The following LMTK2 variants were observed in gnomAD, a reference collection of about 807,000 sequenced individuals.
LMTK2 encodes the protein serine/threonine-protein kinase LMTK2.
LMTK2 carries 37 observed loss-of-function variants against 127.5 expected under a neutral mutation model. The ratio of observed to expected loss-of-function variants is 0.29; its 90% CI spans 0.22 to 0.38. The LOEUF is 0.38. Among genes scored for constraint, LMTK2 ranks in the 10% least tolerant of loss-of-function variants. The pLI, the probability that LMTK2 is intolerant of heterozygous loss-of-function variation, is 1.00. For missense variants in LMTK2, 1,694 were observed against 1,920.3 expected (o/e 0.88, Z 2.20); for synonymous variants, 819 against 810.1 (o/e 1.01, Z -0.19).
In LMTK2 at chr7:98,192,558, C is replaced by T. The variant is rs1797547587; in HGVS notation, c.2093C>T (p.Pro698Leu). 15 of 1,612,984 alleles carry T rather than the reference C, an allele frequency of 9.3e-6. No homozygotes were observed. Among genetic ancestry groups the T allele is most frequent in the Non-Finnish European group, 1.3e-5 (15 of 1,179,752 alleles). The change falls in exon 11 of 14, where the codon CCT (proline) becomes CTT (leucine). Residue 698 changes from proline to leucine, a missense_variant. This residue lies in a region of LMTK2 where 527 missense variants were observed against 539.8 expected (regional missense o/e 0.98). Transcript: ENST00000297293. ...CCCCGTAAGATTTTTGACAGTGAGCCTCTCTGCCTATCAGATAATCTTATG... is the reference window on the plus strand; with the variant it reads ...CCCCGTAAGATTTTTGACAGTGAGCTTCTCTGCCTATCAGATAATCTTATG... ...EKPRKIFDSE[P>L]LCLSDNLMHQ...
chr7:98,153,878 A>T (rs1432916288), intron 4 of LMTK2, among the ~76,000 whole-genome samples: 2 of 151,404 alleles, frequency 1.3e-5, no homozygotes, highest in Non-Finnish European at 1.5e-5. Flanking sequence ...AAAAAAAGAG[A>T]GGGTGATTTA....
intron 7 of LMTK2, among the ~76,000 whole-genome samples, chr7:98,177,374 T>C (rs918997108): frequency 8.5e-5 from 13 of 152,200 alleles, no homozygotes; most frequent in African/African-American, 3.1e-4. Flanking sequence ...TGAAATCTTA[T>C]TGAAGAATGT....
rs1797844539 is a variant in LMTK2, at chr7:98,208,661, A to G, written c.*3169A>G. ...AGCTAGATGCGAATTTGTCTTTTTG[A>G]ATGACCCTGTCAATAAGCCAGAAAG... is the stretch of plus-strand genomic sequence containing the variant. On this transcript the variant is annotated 3_prime_UTR_variant, in exon 14 of 14. Coordinates refer to ENST00000297293, the MANE Select transcript of LMTK2 (RefSeq NM_014916.4). 1 of 152,208 alleles carries G rather than the reference A, an allele frequency of 6.6e-6. No individual in the cohort carries two copies. The highest frequency in any genetic ancestry group is 6.5e-5 in the Admixed American group (1 of 15,278). The allele number at this position is 152,208 out of a possible 1,614,324, so 9.4% of individuals were successfully genotyped here. A position where few individuals can be genotyped will look rare whatever the true frequency, so the allele number is the denominator to read the frequency against.
At chr7:98,142,748 GTTCAGCTGACCTTGGA>G (rs1218472621) in intron 3 of LMTK2, among the ~76,000 whole-genome samples, 2 of 152,194 alleles carry the variant, frequency 1.3e-5, no homozygotes, top group Non-Finnish European at 2.9e-5. Context: ...AAGAACAGGG[GTTCAGCTGACCTTGGA>G]GACAGCTAGA....
chr7:98,189,570 G>A (rs976417389), intron 9 of LMTK2, among the ~76,000 whole-genome samples: 8 of 152,234 alleles, frequency 5.3e-5, no homozygotes, highest in Admixed American at 3.3e-4. Flanking sequence ...GTGTGTTCAC[G>A]GCTTCCCAGA....
chr7:98,116,390 CTGTG>C (rs34663305), intron 1 of LMTK2, among the ~76,000 whole-genome samples: 9,847 of 150,288 alleles, frequency 0.066, 657 homozygotes, highest in East Asian at 0.33. Context: ...CAGTGTGTGT[CTGTG>C]TGTGTGTGTG....
chr7:98,195,471 C>CT (rs1797611242), intron 11 of LMTK2, among the ~76,000 whole-genome samples: 1 of 148,270 alleles, frequency 6.7e-6, no homozygotes, highest in Admixed American at 6.6e-5. Context: ...TTCAAGCATG[C>CT]TTTAAAAAAA....
At position 98,190,688 on chromosome 7, in the gene LMTK2, C is replaced by A. The variant is rs371089155; in HGVS notation, c.999-40C>A. 9.9e-6 allele frequency: 16 copies of A among 1,609,912 alleles called. No individual in the cohort carries two copies. In the African/African-American group the frequency reaches 1.7e-4, roughly 17 times the overall value. ...AGTATGAGTGTTAAAAATTTGACAT[C>A]TAAAGGGAGAGAGAAACAGCCATTT... On this transcript the variant is annotated intron_variant, in intron 9 of 13. Coordinates refer to ENST00000297293, the MANE Select transcript of LMTK2 (RefSeq NM_014916.4).
At chr7:98,148,069 G>T (rs1470495922) in intron 3 of LMTK2, among the ~76,000 whole-genome samples, 1 of 152,108 alleles carries the variant, frequency 6.6e-6, no homozygotes, top group Non-Finnish European at 1.5e-5. Flanking sequence ...GGTAGCTTGT[G>T]CCTGTAGTCC....
At chr7:98,124,367 C>T (rs1273478449) in intron 1 of LMTK2, among the ~76,000 whole-genome samples, 3 of 152,296 alleles carry the variant, frequency 2.0e-5, no homozygotes, top group Admixed American at 6.5e-5. Context: ...AAATGGGGCT[C>T]ATCAGGCACA....
intron 7 of LMTK2, among the ~76,000 whole-genome samples, chr7:98,172,944 G>C (rs1345862505): frequency 6.6e-6 from 1 of 152,182 alleles, no homozygotes; most frequent in Non-Finnish European, 1.5e-5. Context: ...TTTCAGTACA[G>C]ATGGGGTTTC....
rs1584307182 is a variant in LMTK2, at chr7:98,208,002, TTGGGAGGCTGAGG to T, written c.*2518_*2530del. On this transcript the variant is annotated 3_prime_UTR_variant, in exon 14 of 14. Coordinates refer to ENST00000297293, the MANE Select transcript of LMTK2 (RefSeq NM_014916.4). ...GGTGTGCACCTGTAGTCCCAGCTGCTTGGGAGGCTGAGGTGGGAGGATGGCTAGAGCCCAGGAG... is the reference window on the plus strand; with the variant it reads ...GGTGTGCACCTGTAGTCCCAGCTGCTTGGGAGGATGGCTAGAGCCCAGGAG... 6.6e-6 allele frequency: 1 copy of T among 152,056 alleles called. No homozygotes were observed. Among genetic ancestry groups the T allele is most frequent in the East Asian group, 1.9e-4 (1 of 5,176 alleles). The allele number at this position is 152,056 out of a possible 1,614,324, so 9.4% of individuals were successfully genotyped here. A position where few individuals can be genotyped will look rare whatever the true frequency, so the allele number is the denominator to read the frequency against.
intron 1 of LMTK2, among the ~76,000 whole-genome samples, chr7:98,136,805 C>A (rs778885275): frequency 6.6e-6 from 1 of 152,122 alleles, no homozygotes; most frequent in Non-Finnish European, 1.5e-5. Context: ...AGACATTCCA[C>A]AAAATAACTG....
intron 5 of LMTK2, among the ~76,000 whole-genome samples, chr7:98,159,044 C>CGA (rs1796974130): frequency 6.6e-6 from 1 of 151,870 alleles, no homozygotes; most frequent in Non-Finnish European, 1.5e-5. Context: ...GGTGACAGAA[C>CGA]GAGACCCTGT....
At chr7:98,153,556 C>G (rs1796886764) in intron 4 of LMTK2, among the ~76,000 whole-genome samples, 1 of 152,246 alleles carries the variant, frequency 6.6e-6, no homozygotes, top group African/African-American at 2.4e-5. Context: ...TTTAGACAAC[C>G]CTCTTGAAGA....
chr7:98,110,630 G>T (rs1191815401), intron 1 of LMTK2, among the ~76,000 whole-genome samples: 1 of 152,186 alleles, frequency 6.6e-6, no homozygotes, highest in Non-Finnish European at 1.5e-5. Context: ...AGATTCTCAG[G>T]ATTCACATCA....
intron 1 of LMTK2, among the ~76,000 whole-genome samples, chr7:98,120,029 T>C (rs1018798541): frequency 6.6e-6 from 1 of 152,170 alleles, no homozygotes; most frequent in African/African-American, 2.4e-5. Context: ...TACAAAATTT[T>C]CTTATGATGA....
At chr7:98,189,201 T>C (rs540757336) in intron 9 of LMTK2, among the ~76,000 whole-genome samples, 2 of 152,264 alleles carry the variant, frequency 1.3e-5, no homozygotes, top group Admixed American at 1.3e-4. Context: ...GTGAGCAGTG[T>C]GAGGATGTAG....
At position 98,204,283 on chromosome 7, in the gene LMTK2, T is replaced by G. The variant is rs183326208; in HGVS notation, c.4483+97T>G. ...GTTTTGCAGGCCTGATAATCTCATG[T>G]CTTCTTCACATTTGCTGAGTAGATT... On this transcript the variant is annotated intron_variant, in intron 13 of 13. Transcript: ENST00000297293. The G allele has an allele frequency of 2.8e-5, 41 of 1,465,830 alleles. No individual in the cohort carries two copies. The Admixed American group carries it at 5.7e-4, about 20-fold the overall frequency. The allele number at this position is 1,465,830 out of a possible 1,614,324, so 90.8% of individuals were successfully genotyped here.
Sources: gnomAD v4.1 joint callset for allele counts (sites outside exome capture counted in the v4.1 genomes callset) on GRCh38, gnomAD v4.1.1 for gene constraint, gnomAD v4.1.1 regional missense constraint, MANE v1.5 for transcripts, NCBI Gene and HGNC (gene_info 2026-07-23, HGNC 2026-07-21) for gene names.